The following JUP variants were observed in gnomAD, a reference collection of about 807,000 sequenced individuals.
JUP encodes catenin (cadherin-associated protein), gamma 80kDa.
JUP carries 28 observed loss-of-function variants against 71.1 expected under a neutral mutation model. The observed-to-expected ratio is 0.39, with a 90% CI of 0.29 to 0.54. The LOEUF is 0.54. JUP is among the 20% of genes least tolerant of loss of function. The pLI is 0.62. For synonymous variants in JUP, 401 were observed against 438.9 expected, an observed-to-expected ratio of 0.91 and a Z score of 1.08; for missense variants, 869 against 1,030.1, an observed-to-expected ratio of 0.84 and a Z score of 2.14.
chr17:41,784,970 G>C (rs932403840), intron 1 of JUP: 4 of 150,898 alleles, frequency 2.7e-5, no homozygotes, highest in African/African-American at 7.4e-5. Context: ...CCCAATTCTG[G>C]GTGGGGGGGG....
intron 5 of JUP, among the ~76,000 whole-genome samples, chr17:41,765,981 T>C (rs1915650847): frequency 6.6e-6 from 1 of 152,156 alleles, no homozygotes; most frequent in Non-Finnish European, 1.5e-5. Context: ...GTAGGCTGGG[T>C]ATGGTGGCCC....
chr17:41,783,992 G>T (rs563819061), intron 1 of JUP, among the ~76,000 whole-genome samples: 47 of 152,004 alleles, frequency 3.1e-4, no homozygotes, highest in Non-Finnish European at 4.9e-4. Context: ...GGGTAGATAG[G>T]TATTAGTATT....
rs562566043 is a variant in JUP at position 41,781,136 on chromosome 17, G to A, written c.-9+5452C>T. ...GCGGAGCTTGCAGCGAGCGGAGATC[G>A]TGCCACTGCACTCCAGCCTGGGCGA... is the stretch of plus-strand genomic sequence containing the variant. On this transcript the variant is annotated intron_variant, in intron 1 of 13. Coordinates refer to ENST00000393931, the MANE Select transcript of JUP (RefSeq NM_002230.4). Among the ~76,000 whole-genome samples the A allele has an allele frequency of 1.3e-4, 19 of 149,856 alleles. 1 individual carries two copies. The East Asian group carries it at 3.2e-3, about 25-fold the overall frequency.
chr17:41,771,476 C>T (rs1916638783), intron 2 of JUP, 171 bp downstream of exon 2: 3 of 642,426 alleles, frequency 4.7e-6, no homozygotes, highest in Admixed American at 4.9e-5. Flanking sequence ...GATGCAGCAC[C>T]CTGAAGTAGC....
chr17:41,783,084 G>A (rs1363029809), intron 1 of JUP, among the ~76,000 whole-genome samples: 13 of 147,248 alleles, frequency 8.8e-5, no homozygotes, highest in Admixed American at 8.1e-4. Flanking sequence ...GTGGCAGAGC[G>A]TGACTCCATC....
chr17:41,780,074 A>G (rs2047088185), intron 1 of JUP, among the ~76,000 whole-genome samples: 1 of 152,142 alleles, frequency 6.6e-6, no homozygotes, highest in Non-Finnish European at 1.5e-5. Flanking sequence ...GGTCCCTGCT[A>G]CTGTCTCCAT....
intron 1 of JUP, among the ~76,000 whole-genome samples, chr17:41,776,312 C>T (rs927000380): frequency 6.6e-6 from 1 of 152,232 alleles, no homozygotes; most frequent in Admixed American, 6.5e-5. Context: ...ATTTTCTCAT[C>T]TGTAAAATGG....
At chr17:41,783,714 A>T (rs1248507993) in intron 1 of JUP, among the ~76,000 whole-genome samples, 25 of 151,778 alleles carry the variant, frequency 1.6e-4, no homozygotes, top group African/African-American at 3.4e-4. Context: ...AGGTCAGGAG[A>T]TCAAGACCAG....
rs1914374020 is a variant in JUP, at chr17:41,759,079, T to TA, written c.1498-210_1498-209insT. ...GAGTGCTCATGGCTAATTCTTTTTT[T>TA]TTTTTTTTTTTGAGACAGAGTTTCG... On this transcript the variant is annotated intron_variant, in intron 8 of 13. Coordinates refer to ENST00000393931, the MANE Select transcript of JUP (RefSeq NM_002230.4). Among the ~76,000 whole-genome samples the TA allele has an allele frequency of 7.3e-5, 11 of 150,376 alleles. No homozygotes were observed. In the South Asian group the frequency reaches 2.3e-3, roughly 32 times the overall value.
intron 8 of JUP, 112 bp from the exon 9 acceptor site, chr17:41,758,982 G>A (rs1914351059): frequency 2.7e-6 from 3 of 1,101,176 alleles, no homozygotes; most frequent in Non-Finnish European, 3.8e-6. Context: ...CCCGAGGCCA[G>A]ACACAGACAT....
At chr17:41,781,745 C>T (rs2047177084) in intron 1 of JUP, among the ~76,000 whole-genome samples, 1 of 152,206 alleles carries the variant, frequency 6.6e-6, no homozygotes, top group Non-Finnish European at 1.5e-5. Flanking sequence ...CCCTGCCGCA[C>T]AGGATGGCCC....
In JUP at chr17:41,755,204, C is replaced by T. The variant is rs1913495325; in HGVS notation, c.*540G>A. ...GGGAAAACAGAATGGGTACTTGAGT[C>T]TGAAGCTTTAGTGGCCAGGGCCACA... On this transcript the variant is annotated 3_prime_UTR_variant, in exon 14 of 14. Transcript: ENST00000393931. 2.5e-6 allele frequency: 1 copy of T among 398,434 alleles called. No homozygotes were observed. Among genetic ancestry groups the T allele is most frequent in the African/African-American group, 2.1e-5 (1 of 48,598 alleles). 24.7% of individuals were successfully genotyped at this position (398,434 alleles called of 1,614,324 possible). A position where few individuals can be genotyped will look rare whatever the true frequency, so the allele number is the denominator to read the frequency against.
Position 41,772,844 on chromosome 17 carries a change from A to T in JUP, c.-8-982T>A, listed in dbSNP as rs112880443. 3,865 of 985,358 alleles carry T rather than the reference A, an allele frequency of 3.9e-3. 112 individuals are homozygous for T. The African/African-American group carries it at 0.063, about 16-fold the overall frequency. 61.0% of individuals were successfully genotyped at this position (985,358 alleles called of 1,614,324 possible). A position where few individuals can be genotyped will look rare whatever the true frequency, so the allele number is the denominator to read the frequency against. ...TGAAGGTTAATGAGTAGCAGGGCCGAACTTTGTACCAGGGAGGTGAACTTC... is the reference window on the plus strand; with the variant it reads ...TGAAGGTTAATGAGTAGCAGGGCCGTACTTTGTACCAGGGAGGTGAACTTC... On this transcript the variant is annotated intron_variant, in intron 1 of 13. Transcript: ENST00000393931.
At position 41,767,335 on chromosome 17, in the gene JUP, G is replaced by A. The variant is rs539820510; in HGVS notation, c.909+44C>T. ...AAGGCTGTGCAGGATAGAAGATGGC[G>A]CAAGGGTGGGCTTCAGGCCTCGGGA... On this transcript the variant is annotated intron_variant, in intron 5 of 13. Transcript: ENST00000393931. 2.2e-5 allele frequency: 34 copies of A among 1,548,648 alleles called. No homozygotes were observed. The East Asian group carries it at 2.7e-4, about 12-fold the overall frequency.
At chr17:41,769,728 A>C (rs1555606051) in intron 2 of JUP, 51 bp from the exon 3 acceptor site, 1 of 1,585,218 alleles carries the variant, frequency 6.3e-7, no homozygotes. Context: ...CTGGGCAGAC[A>C]CTGGGGAGCA....
chr17:41,775,874 C>T (rs1555608492), intron 1 of JUP: 4 of 623,878 alleles, frequency 6.4e-6, no homozygotes, highest in South Asian at 7.0e-5. Flanking sequence ...CTGCCTCCTC[C>T]TCTGCGCAGC....
intron 4 of JUP, 88 bp downstream of exon 4, chr17:41,768,881 C>T (rs947525536): frequency 1.8e-6 from 2 of 1,082,592 alleles, no homozygotes; most frequent in Non-Finnish European, 2.7e-6. Context: ...TAGGTGCTCA[C>T]TGGATATTTA....
At chr17:41,770,580 C>G (rs1340292070) in intron 2 of JUP, among the ~76,000 whole-genome samples, 1 of 152,180 alleles carries the variant, frequency 6.6e-6, no homozygotes, top group African/African-American at 2.4e-5. Context: ...CATGCGAGGG[C>G]TGAGCTCCAT....
chr17:41,775,880 G>A (rs527346925), intron 1 of JUP: 14 of 700,348 alleles, frequency 2.0e-5, no homozygotes, highest in South Asian at 1.3e-4. Flanking sequence ...CCTCCTCTGC[G>A]CAGCCAACCC....
Sources: allele counts gnomAD v4.1 joint callset (sites outside exome capture counted in the v4.1 genomes callset), GRCh38; gene constraint gnomAD v4.1.1; transcripts MANE v1.5; gene names NCBI Gene and HGNC (gene_info 2026-07-23, HGNC 2026-07-21).